SSU72: variants seen among roughly 807,000 people sequenced by gnomAD.
SSU72 encodes the protein RNA polymerase II subunit A C-terminal domain phosphatase SSU72.
In SSU72, 12 loss-of-function variants were observed where a neutral mutation model predicts 22.7. The ratio of observed to expected loss-of-function variants is 0.53; its 90% CI spans 0.34 to 0.86. SSU72 has a LOEUF of 0.86. Ranked by LOEUF, SSU72 falls within the 40% of genes least tolerant of loss-of-function variation. The pLI, the probability that SSU72 is intolerant of heterozygous loss-of-function variation, is 0.02. For missense variants in SSU72, 151 were observed against 249.8 expected, an observed-to-expected ratio of 0.60 and a Z score of 2.67; for synonymous variants, 116 against 98.3, an observed-to-expected ratio of 1.18 and a Z score of -1.06.
intron 1 of SSU72, among the ~76,000 whole-genome samples, chr1:1,574,217 G>A (rs1642777196): frequency 6.6e-6 from 1 of 151,940 alleles, no homozygotes; most frequent in Non-Finnish European, 1.5e-5. Flanking sequence ...CGCTACCCTC[G>A]CCCCCCGGGC....
At chr1:1,574,235 C>T (rs1377011249) in intron 1 of SSU72, among the ~76,000 whole-genome samples, 1 of 151,840 alleles carries the variant, frequency 6.6e-6, no homozygotes, top group Non-Finnish European at 1.5e-5. Flanking sequence ...GGCCCGGCCT[C>T]GGAGAGCTCG....
intron 2 of SSU72, among the ~76,000 whole-genome samples, chr1:1,552,036 G>A (rs1642461357): frequency 6.6e-6 from 1 of 152,216 alleles, no homozygotes; most frequent in South Asian, 2.1e-4. Context: ...AACTCCCCTG[G>A]AAACCGAGTG....
At chr1:1,569,551 C>T (rs139947588) in intron 1 of SSU72, among the ~76,000 whole-genome samples, 1 of 152,284 alleles carries the variant, frequency 6.6e-6, no homozygotes, top group African/African-American at 2.4e-5. Flanking sequence ...AGTTCAGTGG[C>T]GCAGTCACAG....
At chr1:1,546,441 C>T (rs1454302491) in intron 2 of SSU72, 2 of 152,190 alleles carry the variant, frequency 1.3e-5, no homozygotes, top group Non-Finnish European at 2.9e-5. Flanking sequence ...GCTATGACAC[C>T]CGGGTCCATC....
intron 1 of SSU72, among the ~76,000 whole-genome samples, chr1:1,566,278 A>G (rs548177274): frequency 7.2e-5 from 11 of 152,224 alleles, no homozygotes; most frequent in Admixed American, 5.2e-4. Context: ...AAAACAACAA[A>G]AAAAGTTACT....
intron 2 of SSU72, among the ~76,000 whole-genome samples, chr1:1,557,352 G>A (rs960744103): frequency 1.3e-5 from 2 of 152,068 alleles, no homozygotes; most frequent in Admixed American, 6.6e-5. Context: ...GGCGGAGGTT[G>A]CAGTGAGCCG....
chr1:1,553,179 A>G (rs1642474012), intron 2 of SSU72, among the ~76,000 whole-genome samples: 2 of 152,228 alleles, frequency 1.3e-5, no homozygotes, highest in South Asian at 4.1e-4. Context: ...CTTCACTTGG[A>G]CAGAAACCCT....
chr1:1,571,568 G>A (rs1302886246), intron 1 of SSU72, among the ~76,000 whole-genome samples: 1 of 151,952 alleles, frequency 6.6e-6, no homozygotes, highest in African/African-American at 2.4e-5. Context: ...TCTTTTATGA[G>A]TAAATTTGAA....
intron 2 of SSU72, among the ~76,000 whole-genome samples, chr1:1,559,952 C>T (rs903112030): frequency 3.3e-5 from 5 of 152,052 alleles, no homozygotes; most frequent in Non-Finnish European, 7.4e-5. Context: ...CCCAAACTCT[C>T]GACCTTGGGT....
intron 2 of SSU72, chr1:1,562,648 G>C (rs181682473): frequency 6.6e-6 from 1 of 152,450 alleles, no homozygotes; most frequent in Non-Finnish European, 1.5e-5. Flanking sequence ...ACCCATCGCC[G>C]TAAGGCTCCG....
At chr1:1,573,979 T>C (rs1180454884) in intron 1 of SSU72, among the ~76,000 whole-genome samples, 6 of 148,706 alleles carry the variant, frequency 4.0e-5, no homozygotes, top group Admixed American at 3.4e-4. Flanking sequence ...TTCCAGAAAC[T>C]ACCGGTTGGA....
At chr1:1,559,671 C>G (rs1329025081) in intron 2 of SSU72, among the ~76,000 whole-genome samples, 1 of 152,128 alleles carries the variant, frequency 6.6e-6, no homozygotes, top group Non-Finnish European at 1.5e-5. Context: ...GTGACCCTCC[C>G]GCCTCAGCCA....
At chr1:1,560,020 T>G (rs1296593370) in intron 2 of SSU72, among the ~76,000 whole-genome samples, 1 of 152,070 alleles carries the variant, frequency 6.6e-6, no homozygotes, top group Non-Finnish European at 1.5e-5. Flanking sequence ...CCACCATGCC[T>G]AGCGTTTTGT....
At chr1:1,544,050 T>G in intron 3 of SSU72, 63 bp from the exon 4 acceptor site, 1 of 1,299,052 alleles carries the variant, frequency 7.7e-7, no homozygotes, top group Non-Finnish European at 1.1e-6. Flanking sequence ...GCAGTCAATG[T>G]GGCTGAGTCC....
intron 1 of SSU72, among the ~76,000 whole-genome samples, chr1:1,573,897 C>T (rs2100726750): frequency 6.6e-6 from 1 of 152,126 alleles, no homozygotes; most frequent in Admixed American, 6.6e-5. Flanking sequence ...TAGACATACG[C>T]TACGCAAGAG....
intron 2 of SSU72, among the ~76,000 whole-genome samples, chr1:1,555,397 C>A (rs1300559657): frequency 1.3e-5 from 2 of 152,230 alleles, no homozygotes; most frequent in African/African-American, 4.8e-5. Flanking sequence ...AGGGCTCTGA[C>A]CCAGATGCCA....
rs1202548436 is a variant in SSU72, at chr1:1,556,829, G to A, written c.224+7944C>T. On this transcript the variant is annotated intron_variant, in intron 2 of 4. Transcript: ENST00000291386. ...CACAGGCTTGTGGGCCCTGACCCTG[G>A]GCTACCTCTTGAAGACGAAGGCACA... is the stretch of plus-strand genomic sequence containing the variant. 2.6e-5 allele frequency among the ~76,000 whole-genome samples: 4 copies of A among 152,156 alleles called. No individual in the cohort carries two copies. The East Asian group carries it at 7.7e-4, about 29-fold the overall frequency.
chr1:1,547,554 G>A (rs1164798556), intron 2 of SSU72, among the ~76,000 whole-genome samples: 1 of 152,236 alleles, frequency 6.6e-6, no homozygotes, highest in Non-Finnish European at 1.5e-5. Flanking sequence ...ACCTGAGGAG[G>A]ACCAAAGGGA....
At position 1,541,808 on chromosome 1, in the gene SSU72, A is replaced by G. The variant is rs920022698; in HGVS notation, c.*258T>C. 4.2e-6 allele frequency: 2 copies of G among 472,612 alleles called. No individual in the cohort carries two copies. The highest frequency in any genetic ancestry group is 7.7e-6 in the Non-Finnish European group (2 of 258,450). The allele number at this position is 472,612 out of a possible 1,614,324, so 29.3% of individuals were successfully genotyped here. ...GACACAGGTATGTCGGGAAGTGCAC[A>G]CAAACCGTTGTCTTTCCTTTTTGGT... On this transcript the variant is annotated 3_prime_UTR_variant, in exon 5 of 5. Coordinates refer to ENST00000291386, the MANE Select transcript of SSU72 (RefSeq NM_014188.3).
Sources: gnomAD v4.1 joint callset for allele counts (sites outside exome capture counted in the v4.1 genomes callset) on GRCh38, gnomAD v4.1.1 for gene constraint, MANE v1.5 for transcripts, NCBI Gene and HGNC (gene_info 2026-07-23, HGNC 2026-07-21) for gene names.